NYAP2: variants seen among roughly 807,000 people sequenced by gnomAD.
The protein encoded by NYAP2 is neuronal tyrosine-phosphorylated phosphoinositide-3-kinase adaptor 2.
A neutral mutation model predicts 50.4 loss-of-function variants in NYAP2; 23 were observed. The ratio of observed to expected loss-of-function variants is 0.46; its 90% CI spans 0.33 to 0.65. The LOEUF (loss-of-function observed/expected upper bound fraction) is 0.65. Ranked by LOEUF, NYAP2 falls within the 30% of genes least tolerant of loss-of-function variation. The pLI, the probability that NYAP2 is intolerant of heterozygous loss-of-function variation, is 0.02. For missense variants in NYAP2, 885 were observed against 861.0 expected (o/e 1.03, Z -0.35); for synonymous variants, 394 against 365.2 (o/e 1.08, Z -0.90).
At chr2:225,434,199 G>C (rs985882234) in intron 3 of NYAP2, among the ~76,000 whole-genome samples, 1 of 152,198 alleles carries the variant, frequency 6.6e-6, no homozygotes, top group Non-Finnish European at 1.5e-5. Flanking sequence ...CAATAGGTAA[G>C]ATTGGGAGCT....
chr2:225,682,459 T>G, the NYAP2 span, among the ~76,000 whole-genome samples: 2 of 152,188 alleles, frequency 1.3e-5, no homozygotes, highest in South Asian at 4.1e-4. Context: ...AGCTACAAAC[T>G]ATTAGAAAAC....
chr2:225,401,644 A>G (rs907587387), intron 2 of NYAP2, among the ~76,000 whole-genome samples: 4 of 152,040 alleles, frequency 2.6e-5, no homozygotes, highest in African/African-American at 9.7e-5. Context: ...GTAAAACTTT[A>G]GGTGGACTTG....
intron 4 of NYAP2, 140 bp downstream of exon 4, chr2:225,513,812 A>AG (rs1341203039): frequency 1.4e-5 from 8 of 555,452 alleles, no homozygotes; most frequent in Middle Eastern, 5.1e-4. Context: ...AGAAGAATTG[A>AG]GGGGAAGGTT....
At chr2:225,425,750 T>A (rs1333135043) in intron 3 of NYAP2, among the ~76,000 whole-genome samples, 2 of 152,264 alleles carry the variant, frequency 1.3e-5, no homozygotes, top group Non-Finnish European at 2.9e-5. Flanking sequence ...TTTAGGATTT[T>A]ATACAACCAC....
chr2:225,436,454 CT>C (rs1203363163), intron 3 of NYAP2, among the ~76,000 whole-genome samples: 1 of 152,106 alleles, frequency 6.6e-6, no homozygotes. Context: ...TCATCTTTAC[CT>C]GGCATTTTCC....
chr2:225,491,254 A>T (rs967133027), intron 3 of NYAP2, among the ~76,000 whole-genome samples: 5 of 152,260 alleles, frequency 3.3e-5, no homozygotes. Flanking sequence ...ACAAGGCAAG[A>T]ACGAAATTTT....
intron 5 of NYAP2, among the ~76,000 whole-genome samples, chr2:225,615,216 C>T (rs1199570236): frequency 6.6e-6 from 1 of 152,120 alleles, no homozygotes; most frequent in East Asian, 1.9e-4. Context: ...GGGATTTGGT[C>T]AGCATGTGGC....
chr2:225,409,156 G>T (rs1694990065), intron 3 of NYAP2, 55 bp downstream of exon 3: 1 of 1,306,362 alleles, frequency 7.7e-7, no homozygotes, highest in East Asian at 2.5e-5. Flanking sequence ...GTCCATGAGG[G>T]CTGCTAAAGT....
chr2:225,527,152 A>T (rs1691166871), intron 4 of NYAP2, among the ~76,000 whole-genome samples: 1 of 152,286 alleles, frequency 6.6e-6, no homozygotes, highest in African/African-American at 2.4e-5. Context: ...TAAGTTCAGC[A>T]TTGGCCTAGT....
At chr2:225,441,640 G>T (rs748856013) in intron 3 of NYAP2, among the ~76,000 whole-genome samples, 3 of 152,110 alleles carry the variant, frequency 2.0e-5, no homozygotes, top group Non-Finnish European at 4.4e-5. Context: ...GTGTGCAGGG[G>T]AATCTGCCCC....
At chr2:225,612,850 C>CACACCCAATGTTTGTGATG (rs1359431176) in intron 5 of NYAP2, among the ~76,000 whole-genome samples, 1 of 141,596 alleles carries the variant, frequency 7.1e-6, no homozygotes, top group Non-Finnish European at 1.6e-5. Context: ...GTGATGACAT[C>CACACCCAATGTTTGTGATG]ACATCTGGGT....
chr2:225,611,248 T>C (rs1182878155), intron 5 of NYAP2, among the ~76,000 whole-genome samples: 1 of 152,146 alleles, frequency 6.6e-6, no homozygotes, highest in Non-Finnish European at 1.5e-5. Flanking sequence ...CCTCAATTCC[T>C]CCTCTGTACT....
chr2:225,519,253 T>G (rs1691001867), intron 4 of NYAP2, among the ~76,000 whole-genome samples: 1 of 151,568 alleles, frequency 6.6e-6, no homozygotes, highest in Non-Finnish European at 1.5e-5. Flanking sequence ...ATATTTTATT[T>G]TTTTATTTTT....
rs79838147 is a variant in NYAP2, at chr2:225,462,665, G to A, written c.222-50706G>A. Reference sequence around the variant, plus strand: ...AAACCACATTGAAATCCCTGACTTCGCAAATGTGAATGACCTGAATCAGAG... The same window carrying A: ...AAACCACATTGAAATCCCTGACTTCACAAATGTGAATGACCTGAATCAGAG... On this transcript the variant is annotated intron_variant, in intron 3 of 6. Transcript: ENST00000636099. Among the ~76,000 whole-genome samples the A allele has an allele frequency of 1.6e-3, 240 of 152,196 alleles. 1 individual carries two copies. Among genetic ancestry groups the A allele is most frequent in the African/African-American group, 5.1e-3 (212 of 41,504 alleles).
At chr2:225,440,595 A>C (rs1689453729) in intron 3 of NYAP2, among the ~76,000 whole-genome samples, 1 of 152,202 alleles carries the variant, frequency 6.6e-6, no homozygotes, top group Non-Finnish European at 1.5e-5. Flanking sequence ...AAAAGACTTA[A>C]GAGCAAGAGG....
chr2:225,422,168 T>A (rs1003075035), intron 3 of NYAP2, among the ~76,000 whole-genome samples: 3 of 152,210 alleles, frequency 2.0e-5, no homozygotes, highest in African/African-American at 7.2e-5. Context: ...GGAACACATT[T>A]TCAAAACATG....
At chr2:225,529,529 T>A (rs538484403) in intron 4 of NYAP2, among the ~76,000 whole-genome samples, 1 of 152,248 alleles carries the variant, frequency 6.6e-6, no homozygotes, top group East Asian at 1.9e-4. Context: ...TTTGCCATGT[T>A]GGACAGGGTA....
At chr2:225,610,381 A>G (rs1159172549) in intron 5 of NYAP2, among the ~76,000 whole-genome samples, 3 of 152,050 alleles carry the variant, frequency 2.0e-5, no homozygotes, top group Admixed American at 6.6e-5. Context: ...CACCAGTCCT[A>G]TGGGTTTCGA....
intron 3 of NYAP2, among the ~76,000 whole-genome samples, chr2:225,444,546 T>C (rs1449651762): frequency 1.3e-5 from 2 of 152,178 alleles, no homozygotes; most frequent in Non-Finnish European, 2.9e-5. Context: ...TAATATAAAA[T>C]GTAGAAATCA....
Sources: gnomAD v4.1 joint callset for allele counts (sites outside exome capture counted in the v4.1 genomes callset) on GRCh38, gnomAD v4.1.1 for gene constraint, MANE v1.5 for transcripts, NCBI Gene and HGNC (gene_info 2026-07-23, HGNC 2026-07-21) for gene names.